The following LUZP2 variants were observed in gnomAD, a reference collection of about 807,000 sequenced individuals.
LUZP2 encodes the protein leucine zipper protein 2.
A neutral mutation model predicts 51.6 loss-of-function variants in LUZP2; 52 were observed. The ratio of observed to expected loss-of-function variants is 1.01; its 90% confidence interval spans 0.81 to 1.27. LUZP2 has a LOEUF of 1.27. LUZP2 is among the 50% of genes most tolerant of loss of function. LUZP2 has a pLI of 0.00. For missense variants in LUZP2, 436 were observed against 395.4 expected (o/e 1.10, Z -0.87); for synonymous variants, 154 against 137.3 (o/e 1.12, Z -0.85).
At chr11:24,690,874 C>T (rs1326219138) in intron 1 of LUZP2, among the ~76,000 whole-genome samples, 1 of 151,986 alleles carries the variant, frequency 6.6e-6, no homozygotes, top group Non-Finnish European at 1.5e-5. Context: ...TTGAAAGATA[C>T]AGAACCAGAA....
At chr11:24,861,808 G>GT (rs1470419615) in intron 5 of LUZP2, among the ~76,000 whole-genome samples, 1 of 152,176 alleles carries the variant, frequency 6.6e-6, no homozygotes, top group Non-Finnish European at 1.5e-5. Flanking sequence ...CTCCTGTATA[G>GT]GCTGTCTGAC....
chr11:25,027,886 G>GAAAAAA (rs1174189551), intron 9 of LUZP2, among the ~76,000 whole-genome samples: 1 of 133,306 alleles, frequency 7.5e-6, no homozygotes, highest in South Asian at 2.4e-4. Context: ...AAAAAAAAAG[G>GAAAAAA]TGTTTAGATT....
chr11:24,824,297 T>C (rs1850454453), intron 5 of LUZP2, among the ~76,000 whole-genome samples: 1 of 131,718 alleles, frequency 7.6e-6, no homozygotes, highest in African/African-American at 2.9e-5. Flanking sequence ...ACCCGGGAAG[T>C]GGAAGTTGCG....
intron 5 of LUZP2, among the ~76,000 whole-genome samples, chr11:24,831,208 C>T (rs1400738235): frequency 6.6e-6 from 1 of 152,150 alleles, no homozygotes; most frequent in East Asian, 1.9e-4. Flanking sequence ...TTTTCAAGAA[C>T]AACGTCTTGT....
rs1448184219 is a variant in LUZP2 at position 24,633,956 on chromosome 11, G to GTATATA, written c.63-95212_63-95211insATATAT. ...CTAACACACGTGTGTGTGTGTGTGT[G>GTATATA]TGTGTGTGTATATATAGTCTGTCTA... On this transcript the variant is annotated intron_variant, in intron 1 of 11. Transcript: ENST00000336930. Among the ~76,000 whole-genome samples the GTATATA allele has an allele frequency of 5.8e-3, 662 of 114,666 alleles. 2 individuals are homozygous for GTATATA. The highest frequency in any genetic ancestry group is 0.014 in the Middle Eastern group (3 of 216). 75.2% of individuals were successfully genotyped at this position (114,666 alleles called of 152,430 possible). A position where few individuals can be genotyped will look rare whatever the true frequency, so the allele number is the denominator to read the frequency against.
intron 1 of LUZP2, among the ~76,000 whole-genome samples, chr11:24,502,420 C>CTGG (rs982000271): frequency 8.6e-5 from 13 of 151,314 alleles, no homozygotes; most frequent in Non-Finnish European, 1.5e-5. Flanking sequence ...GAGTCTTGCT[C>CTGG]TGTTGCCAGG....
intron 7 of LUZP2, among the ~76,000 whole-genome samples, chr11:24,932,707 T>C (rs1458369968): frequency 1.3e-5 from 2 of 152,108 alleles, no homozygotes; most frequent in African/African-American, 4.8e-5. Context: ...GACTGAGAAC[T>C]TGCCCCAGGC....
chr11:24,540,892 T>C (rs79564651), intron 1 of LUZP2, among the ~76,000 whole-genome samples: 2,993 of 152,090 alleles, frequency 0.02, 115 homozygotes, highest in African/African-American at 0.067. Context: ...TGAAACAAAA[T>C]AGACAAAACA....
rs1010119068 is a variant in LUZP2, at chr11:24,963,790, C to G, written c.523-12801C>G. Among the ~76,000 whole-genome samples, 8 of 152,142 alleles carry G rather than the reference C, an allele frequency of 5.3e-5. No individual in the cohort carries two copies. The East Asian group carries it at 1.6e-3, about 29-fold the overall frequency. ...GCATCCACTGACCTGCGCCCACTGT[C>G]TGGCACTCCCTAGTGAGATGAACCC... On this transcript the variant is annotated intron_variant, in intron 7 of 11. Coordinates refer to ENST00000336930, the MANE Select transcript of LUZP2 (RefSeq NM_001009909.4).
Position 24,662,261 on chromosome 11 carries a change from A to C in LUZP2, c.63-66908A>C, listed in dbSNP as rs142042012. 5.3e-5 allele frequency among the ~76,000 whole-genome samples: 8 copies of C among 152,292 alleles called. No homozygotes were observed. The East Asian group carries it at 1.5e-3, about 29-fold the overall frequency. On this transcript the variant is annotated intron_variant, in intron 1 of 11. Transcript: ENST00000336930. ...AGGCATGAGAAAACATCACATTCAT[A>C]AAACAAAACAGTTTTCTGTGAAAAA...
Position 25,017,720 on chromosome 11 carries a change from G to T in LUZP2, c.766-32318G>T, listed in dbSNP as rs553423861. Among the ~76,000 whole-genome samples the T allele has an allele frequency of 2.7e-5, 4 of 145,760 alleles. 1 individual carries two copies. The highest frequency in any genetic ancestry group is 2.7e-4 in the Admixed American group (4 of 14,638). ...TCCAAGTTTGCTTATTGTTGTTGTTGTTGTTGTTATGTGTTTTGCTTAGTA... is the reference window on the plus strand; with the variant it reads ...TCCAAGTTTGCTTATTGTTGTTGTTTTTGTTGTTATGTGTTTTGCTTAGTA... On this transcript the variant is annotated intron_variant, in intron 9 of 11. Transcript: ENST00000336930.
At chr11:24,937,370 T>A (rs1167969299) in intron 7 of LUZP2, among the ~76,000 whole-genome samples, 1 of 152,172 alleles carries the variant, frequency 6.6e-6, no homozygotes, top group Non-Finnish European at 1.5e-5. Context: ...ACTTTACTTG[T>A]TGGATATCAG....
chr11:24,981,413 T>C (rs560411431), intron 8 of LUZP2, among the ~76,000 whole-genome samples: 8 of 151,890 alleles, frequency 5.3e-5, no homozygotes, highest in African/African-American at 1.9e-4. Context: ...GGATGACCAG[T>C]GGTCACCCTC....
intron 1 of LUZP2, among the ~76,000 whole-genome samples, chr11:24,562,666 A>G (rs1006541934): frequency 2.9e-4 from 44 of 150,272 alleles, no homozygotes; most frequent in African/African-American, 1.1e-3. Flanking sequence ...ATCCTGGCTA[A>G]CATGGTGAAA....
At chr11:24,717,941 C>T (rs933307782) in intron 1 of LUZP2, among the ~76,000 whole-genome samples, 2 of 152,070 alleles carry the variant, frequency 1.3e-5, no homozygotes, top group African/African-American at 2.4e-5. Context: ...TTTTTATGAC[C>T]GCATAGTATT....
At chr11:24,631,487 T>G (rs1344919931) in intron 1 of LUZP2, among the ~76,000 whole-genome samples, 4 of 152,028 alleles carry the variant, frequency 2.6e-5, no homozygotes, top group African/African-American at 9.7e-5. Context: ...AGATAGTTTT[T>G]ATCCTTAGTC....
At chr11:24,827,577 T>G (rs1850580021) in intron 5 of LUZP2, among the ~76,000 whole-genome samples, 1 of 152,060 alleles carries the variant, frequency 6.6e-6, no homozygotes, top group Non-Finnish European at 1.5e-5. Flanking sequence ...GGGAACATTT[T>G]AGGTGAAAAG....
At chr11:25,010,730 C>T (rs1856961187) in intron 9 of LUZP2, among the ~76,000 whole-genome samples, 1 of 151,870 alleles carries the variant, frequency 6.6e-6, no homozygotes, top group African/African-American at 2.4e-5. Context: ...ACATGTAGTC[C>T]CAGCTACTCC....
intron 11 of LUZP2, among the ~76,000 whole-genome samples, chr11:25,077,864 A>G (rs894777804): frequency 5.3e-5 from 8 of 152,122 alleles, no homozygotes; most frequent in East Asian, 1.9e-4. Context: ...TGCTAGTACT[A>G]TATGTAAAGC....
Sources: allele counts gnomAD v4.1 joint callset (sites outside exome capture counted in the v4.1 genomes callset), GRCh38; gene constraint gnomAD v4.1.1; transcripts MANE v1.5; gene names NCBI Gene and HGNC (gene_info 2026-07-23, HGNC 2026-07-21).